Variants in GAS7 observed in about 807,000 individuals in gnomAD.
GAS7 encodes the protein growth arrest specific 7.
Under a neutral mutation model 71.1 loss-of-function variants are expected in GAS7, and 28 were observed. That is an observed-to-expected ratio of 0.39 (90% confidence interval 0.29 to 0.54). The LOEUF (loss-of-function observed/expected upper bound fraction) is 0.54, where lower values mean the gene tolerates loss of function less well. Ranked by LOEUF, GAS7 falls within the 20% of genes least tolerant of loss-of-function variation. GAS7 has a pLI of 0.62. For missense variants in GAS7, 436 were observed against 627.8 expected (o/e 0.69, Z 3.27); for synonymous variants, 258 against 245.8 (o/e 1.05, Z -0.46).
At position 10,026,325 on chromosome 17, in the gene GAS7, C is replaced by A; in HGVS notation, c.184-6428G>T. ...AAAGCATATCCACAGGGCCCCACAC[C>A]CCCACTCCCCCCACACCCAGATCTA... On this transcript the variant is annotated intron_variant, in intron 1 of 13. Coordinates refer to ENST00000432992, the MANE Select transcript of GAS7 (RefSeq NM_201433.2). The surrounding 1 kb of genome is among the most constrained non-coding windows in gnomAD (Gnocchi z 4.5). 3 of 978,420 alleles carry A rather than the reference C, an allele frequency of 3.1e-6. No homozygotes were observed. The highest frequency in any genetic ancestry group is 3.6e-6 in the Non-Finnish European group (3 of 823,650). The allele number at this position is 978,420 out of a possible 1,614,324, so 60.6% of individuals were successfully genotyped here. A position where few individuals can be genotyped will look rare whatever the true frequency, so the allele number is the denominator to read the frequency against.
intron 1 of GAS7, among the ~76,000 whole-genome samples, chr17:10,089,732 G>A (rs1199351244): frequency 6.6e-6 from 1 of 152,172 alleles, no homozygotes; most frequent in Non-Finnish European, 1.5e-5. Flanking sequence ...GAGAGGCAGT[G>A]CTTAGTGTAA....
At chr17:9,977,223 A>G (rs369972612) in intron 3 of GAS7, among the ~76,000 whole-genome samples, 42 of 152,350 alleles carry the variant, frequency 2.8e-4, no homozygotes, top group Middle Eastern at 6.8e-3. Flanking sequence ...TGAAAAATTC[A>G]GCTCCTTGGA....
rs141972820 is a variant in GAS7 at position 10,136,005 on chromosome 17, A to G, written c.183+62203T>C. On this transcript the variant is annotated intron_variant, in intron 1 of 13. Coordinates refer to ENST00000432992, the MANE Select transcript of GAS7 (RefSeq NM_201433.2). ...ACTTAGCGAGTTGGCCCCACTGAGCAGGGGGGTGGTTCAGCTCGGAACAAC... is the reference window on the plus strand; with the variant it reads ...ACTTAGCGAGTTGGCCCCACTGAGCGGGGGGGTGGTTCAGCTCGGAACAAC... Among the ~76,000 whole-genome samples the G allele has an allele frequency of 7.9e-5, 12 of 152,286 alleles. No individual in the cohort carries two copies. In the East Asian group the frequency reaches 2.3e-3, roughly 29 times the overall value.
chr17:10,191,756 T>A (rs1410256029), intron 1 of GAS7, among the ~76,000 whole-genome samples: 1 of 150,024 alleles, frequency 6.7e-6, no homozygotes, highest in African/African-American at 2.5e-5. Context: ...AAGCCTGTAA[T>A]CACAGCTACT....
chr17:9,946,821 C>T, intron 6 of GAS7, 73 bp downstream of exon 6: 2 of 881,036 alleles, frequency 2.3e-6, no homozygotes, highest in Non-Finnish European at 3.7e-6. Context: ...GATCCAGGTC[C>T]CTCCTACCCA....
intron 1 of GAS7, among the ~76,000 whole-genome samples, chr17:10,173,145 A>C (rs1025637998): frequency 2.0e-5 from 3 of 152,208 alleles, no homozygotes; most frequent in African/African-American, 7.2e-5. Context: ...AGAACCAGAA[A>C]ACAGATGAGT....
chr17:10,048,776 A>G (rs557859044), intron 1 of GAS7, among the ~76,000 whole-genome samples: 24 of 152,350 alleles, frequency 1.6e-4, no homozygotes, highest in Non-Finnish European at 2.6e-4. Context: ...CCAGGCACTG[A>G]GAGAGAAAAT....
chr17:10,006,260 C>T (rs60590406), intron 2 of GAS7, among the ~76,000 whole-genome samples: 21,934 of 149,792 alleles, frequency 0.15, 2,007 homozygotes, highest in African/African-American at 0.26. Flanking sequence ...TCATCTTGTC[C>T]GGATGCCAGG....
chr17:10,049,683 C>G (rs148619888), intron 1 of GAS7, among the ~76,000 whole-genome samples: 12 of 128,342 alleles, frequency 9.4e-5, no homozygotes, highest in Admixed American at 7.6e-4. Flanking sequence ...TGCAGTGGCG[C>G]GATCTTGGCT....
chr17:9,931,205 G>T (rs1304527722), intron 9 of GAS7, among the ~76,000 whole-genome samples: 1 of 152,158 alleles, frequency 6.6e-6, no homozygotes, highest in East Asian at 1.9e-4. Flanking sequence ...GTGTGACCAT[G>T]GGCTGTGATC....
chr17:10,132,532 G>T (rs897593680), intron 1 of GAS7, among the ~76,000 whole-genome samples: 1 of 152,194 alleles, frequency 6.6e-6, no homozygotes, highest in Non-Finnish European at 1.5e-5. Flanking sequence ...TTGGGAGGCC[G>T]AGGTGGGTGG....
At chr17:10,097,854 G>A (rs1176919802) in intron 1 of GAS7, among the ~76,000 whole-genome samples, 21 of 152,032 alleles carry the variant, frequency 1.4e-4, no homozygotes, top group Admixed American at 1.4e-3. Context: ...GACCAGCCTG[G>A]CCAACATAGC....
Position 9,926,844 on chromosome 17 carries a change from A to G in GAS7, c.886-75T>C. 1 of 1,527,192 alleles carries G rather than the reference A, an allele frequency of 6.5e-7. No individual in the cohort carries two copies. Among genetic ancestry groups the G allele is most frequent in the Non-Finnish European group, 9.1e-7 (1 of 1,102,882 alleles). The allele number at this position is 1,527,192 out of a possible 1,614,324, so 94.6% of individuals were successfully genotyped here. A position where few individuals can be genotyped will look rare whatever the true frequency, so the allele number is the denominator to read the frequency against. ...AGCCAGTGCAGGGAGGAGGGATGGGAGGGGCACCCCCACTTCCCCAGGCAA... is the reference window on the plus strand; with the variant it reads ...AGCCAGTGCAGGGAGGAGGGATGGGGGGGGCACCCCCACTTCCCCAGGCAA... On this transcript the variant is annotated intron_variant, in intron 9 of 13. Transcript: ENST00000432992. The surrounding 1 kb of genome is among the most constrained non-coding windows in gnomAD (Gnocchi z 5.0).
At chr17:10,124,846 A>C (rs2142080101) in intron 1 of GAS7, among the ~76,000 whole-genome samples, 1 of 152,224 alleles carries the variant, frequency 6.6e-6, no homozygotes, top group South Asian at 2.1e-4. Flanking sequence ...TGAACCCGGG[A>C]GGTGGAGGTT....
chr17:9,990,385 G>T (rs1210884374), intron 2 of GAS7, among the ~76,000 whole-genome samples: 3 of 152,230 alleles, frequency 2.0e-5, no homozygotes, highest in Non-Finnish European at 4.4e-5. Context: ...AGCGAGCCAG[G>T]GGAAAGCAAG....
chr17:10,174,584 C>T (rs1314467850), intron 1 of GAS7, among the ~76,000 whole-genome samples: 2 of 151,684 alleles, frequency 1.3e-5, no homozygotes, highest in East Asian at 1.9e-4. Flanking sequence ...CCCAGCTACT[C>T]GGGAGGCCGA....
chr17:9,993,433 C>T (rs1384509967), intron 2 of GAS7, among the ~76,000 whole-genome samples: 2 of 152,164 alleles, frequency 1.3e-5, no homozygotes, highest in African/African-American at 4.8e-5. Flanking sequence ...ATGTCCTTTG[C>T]CCACTTTTTG....
At chr17:10,009,610 A>G (rs1260576003) in intron 2 of GAS7, among the ~76,000 whole-genome samples, 1 of 146,952 alleles carries the variant, frequency 6.8e-6, no homozygotes, top group African/African-American at 2.5e-5. Flanking sequence ...AGGCCAAGAT[A>G]GGAGGATTGC....
chr17:9,951,356 T>C (rs2068997736), intron 5 of GAS7, among the ~76,000 whole-genome samples: 1 of 152,242 alleles, frequency 6.6e-6, no homozygotes, highest in Non-Finnish European at 1.5e-5. Context: ...TCTGAATGCT[T>C]CTGGAGTGGC....
Sources: gnomAD v4.1 joint callset for allele counts (sites outside exome capture counted in the v4.1 genomes callset) on GRCh38, gnomAD v4.1.1 for gene constraint, Gnocchi (gnomAD v3.1) non-coding constraint, MANE v1.5 for transcripts, NCBI Gene and HGNC (gene_info 2026-07-23, HGNC 2026-07-21) for gene names.